TFG: variants seen among roughly 807,000 people sequenced by gnomAD.
The protein encoded by TFG is trafficking from ER to golgi regulator, also known as protein TFG.
A neutral mutation model predicts 51.4 loss-of-function variants in TFG; 22 were observed. The ratio of observed to expected loss-of-function variants is 0.43; its 90% CI spans 0.31 to 0.61. TFG has a LOEUF of 0.61. Among genes scored for constraint, TFG ranks in the 20% least tolerant of loss-of-function variants. The pLI, the probability that TFG is intolerant of heterozygous loss-of-function variation, is 0.12. For synonymous variants in TFG, 187 were observed against 165.6 expected (o/e 1.13, Z -0.99); for missense variants, 419 against 487.7 (o/e 0.86, Z 1.33).
At chr3:100,719,953 C>A in intron 2 of TFG, 22 bp from the exon 3 acceptor site, 1 of 1,159,252 alleles carries the variant, frequency 8.6e-7, no homozygotes. Flanking sequence ...AAAAAACAAC[C>A]TTTTTTTTTT....
intron 4 of TFG, among the ~76,000 whole-genome samples, chr3:100,731,318 T>C (rs1302069736): frequency 6.6e-6 from 1 of 152,186 alleles, no homozygotes; most frequent in African/African-American, 2.4e-5. Context: ...ATTTGTAAAA[T>C]GTATGTTAAA....
At chr3:100,723,036 G>C (rs2095065118) in intron 3 of TFG, among the ~76,000 whole-genome samples, 1 of 152,196 alleles carries the variant, frequency 6.6e-6, no homozygotes, top group African/African-American at 2.4e-5. Context: ...ACCTTGGGCT[G>C]TCAGGGGATT....
At chr3:100,724,256 A>G (rs2095068812) in intron 3 of TFG, among the ~76,000 whole-genome samples, 1 of 152,192 alleles carries the variant, frequency 6.6e-6, no homozygotes, top group East Asian at 1.9e-4. Context: ...TAGAAATTGG[A>G]ATTGTTAGGA....
At position 100,748,679 on chromosome 3, in the gene TFG, A is replaced by AATT. The variant is rs546654441; in HGVS notation, c.*149_*151dup. ...CATTGTTGGTGTTAATTGAAAGTATAATTTGCTGGAACACAAAGACCAAAA... is the reference window on the plus strand; with the variant it reads ...CATTGTTGGTGTTAATTGAAAGTATAATTATTTGCTGGAACACAAAGACCAAAA... On this transcript the variant is annotated 3_prime_UTR_variant, in exon 8 of 8. Coordinates refer to ENST00000240851, the MANE Select transcript of TFG (RefSeq NM_006070.6). The AATT allele has an allele frequency of 1.1e-3, 1,079 of 947,928 alleles. 6 individuals are homozygous for AATT. The highest frequency in any genetic ancestry group is 9.3e-3 in the African/African-American group (562 of 60,146). The allele number at this position is 947,928 out of a possible 1,614,324, so 58.7% of individuals were successfully genotyped here. A position where few individuals can be genotyped will look rare whatever the true frequency, so the allele number is the denominator to read the frequency against.
chr3:100,713,889 T>A lies in TFG; in HGVS notation c.184+20T>A. 25 of 1,272,312 alleles carry A rather than the reference T, an allele frequency of 2.0e-5. No homozygotes were observed. The highest frequency in any genetic ancestry group is 2.4e-5 in the Non-Finnish European group (23 of 938,828). 78.8% of individuals were successfully genotyped at this position (1,272,312 alleles called of 1,614,324 possible). On this transcript the variant is annotated intron_variant, in intron 2 of 7. Transcript: ENST00000240851. ...ATGAAGGTAAGAGTGTTTTTAAAGC[T>A]ATTTTTTAAAGTCTTTTTAAAAAAA... is the stretch of plus-strand genomic sequence containing the variant.
chr3:100,720,103 A>G, intron 3 of TFG, 45 bp downstream of exon 3: 1 of 1,238,266 alleles, frequency 8.1e-7, no homozygotes, highest in East Asian at 2.5e-5. Context: ...TATTCATTGT[A>G]TTTTAAAGAT....
chr3:100,742,267 T>A (rs2095123292), intron 6 of TFG, among the ~76,000 whole-genome samples: 1 of 152,186 alleles, frequency 6.6e-6, no homozygotes. Flanking sequence ...TTAAGTGAGA[T>A]GACGTATGAG....
chr3:100,725,282 A>G (rs2149073684), intron 3 of TFG, among the ~76,000 whole-genome samples: 1 of 152,288 alleles, frequency 6.6e-6, no homozygotes, highest in South Asian at 2.1e-4. Flanking sequence ...TAAAAGGATT[A>G]TAAATGTAAC....
chr3:100,730,441 C>T (rs1040666585), intron 4 of TFG, among the ~76,000 whole-genome samples: 14 of 152,068 alleles, frequency 9.2e-5, no homozygotes, highest in African/African-American at 2.9e-4. Context: ...ATGTTGTTTT[C>T]TTGTATGGCC....
At chr3:100,714,209 G>A (rs1006642187) in intron 2 of TFG, among the ~76,000 whole-genome samples, 2 of 152,070 alleles carry the variant, frequency 1.3e-5, no homozygotes, top group African/African-American at 4.8e-5. Context: ...GTTAAAATTA[G>A]CTAAGTGGGG....
At chr3:100,736,811 C>A in intron 6 of TFG, 95 bp downstream of exon 6, 2 of 1,342,704 alleles carry the variant, frequency 1.5e-6, no homozygotes, top group South Asian at 1.7e-5. Flanking sequence ...TTAGTCATGC[C>A]TTAAACACAG....
At chr3:100,729,979 T>C (rs2095087038) in intron 4 of TFG, among the ~76,000 whole-genome samples, 4 of 152,184 alleles carry the variant, frequency 2.6e-5, no homozygotes, top group Admixed American at 2.6e-4. Context: ...ATCCTCTTGG[T>C]CACTTTATGA....
At chr3:100,723,295 T>C (rs2095065800) in intron 3 of TFG, among the ~76,000 whole-genome samples, 1 of 151,974 alleles carries the variant, frequency 6.6e-6, no homozygotes, top group Admixed American at 6.6e-5. Context: ...GAGTTATAAT[T>C]GAAAAATTAG....
intron 3 of TFG, among the ~76,000 whole-genome samples, chr3:100,725,622 CAAAAAAAAAA>C (rs763163559): frequency 1.8e-4 from 15 of 83,490 alleles, no homozygotes; most frequent in African/African-American, 6.5e-4. Context: ...ACCAAAAATA[CAAAAAAAAAA>C]AAAAAAAAAA....
At position 100,748,314 on chromosome 3, in the gene TFG, A is replaced by G. The variant is rs1319196084; in HGVS notation, c.986A>G (p.Tyr329Cys). ...YQASNYPAQT[Y>C]TAQTSQPTNY... ...GCGAGCAATTATCCTGCACAAACTT[A>G]CACTGCCCAAACTTCTCAGCCTACT... The change falls in exon 8 of 8, where the codon TAC becomes TGC. Residue 329 changes from tyrosine to cysteine, a missense_variant. Physicochemically the swap from Tyr to Cys is radical, Grantham distance 194 (BLOSUM62 -2). Coordinates refer to ENST00000240851, the MANE Select transcript of TFG (RefSeq NM_006070.6). The G allele has an allele frequency of 6.2e-7, 1 of 1,613,986 alleles. No individual in the cohort carries two copies. The highest frequency in any genetic ancestry group is 1.1e-5 in the South Asian group (1 of 91,074).
At chr3:100,730,656 C>G (rs866268168) in intron 4 of TFG, among the ~76,000 whole-genome samples, 1 of 152,052 alleles carries the variant, frequency 6.6e-6, no homozygotes, top group Non-Finnish European at 1.5e-5. Flanking sequence ...TGTGGCTTAC[C>G]CTCACCAAGA....
intron 5 of TFG, among the ~76,000 whole-genome samples, chr3:100,734,266 G>A (rs760041026): frequency 6.6e-6 from 1 of 152,082 alleles, no homozygotes; most frequent in Non-Finnish European, 1.5e-5. Context: ...GTGTATAGCA[G>A]CTGATATGTA....
chr3:100,743,674 A>G (rs1239410595), intron 6 of TFG: 2 of 152,170 alleles, frequency 1.3e-5, no homozygotes, highest in African/African-American at 4.8e-5. Context: ...AGTGCTACCC[A>G]GCACTAAAAA....
At chr3:100,740,866 C>T (rs2095119394) in intron 6 of TFG, among the ~76,000 whole-genome samples, 1 of 152,074 alleles carries the variant, frequency 6.6e-6, no homozygotes, top group Non-Finnish European at 1.5e-5. Context: ...TATAGTCATG[C>T]ACTGTATAAC....
Sources: allele counts gnomAD v4.1 joint callset (sites outside exome capture counted in the v4.1 genomes callset), GRCh38; gene constraint gnomAD v4.1.1; transcripts MANE v1.5; gene names NCBI Gene and HGNC (gene_info 2026-07-23, HGNC 2026-07-21).